GPR39: variants seen among roughly 807,000 people sequenced by gnomAD.
GPR39 encodes G protein-coupled receptor 39.
GPR39 carries 23 observed loss-of-function variants against 18.4 expected under a neutral mutation model. The observed-to-expected ratio is 1.25, with a 90% CI of 0.90 to 1.77. The LOEUF is 1.77. Ranked by LOEUF, GPR39 falls within the 40% of genes most tolerant of loss-of-function variation. The probability of loss-of-function intolerance (pLI) is 0.00; values close to 1 mark genes in which losing one functional copy is unlikely to be tolerated. For missense variants in GPR39, 647 were observed against 602.4 expected, an observed-to-expected ratio of 1.07 and a Z score of -0.78; for synonymous variants, 280 against 257.9, an observed-to-expected ratio of 1.09 and a Z score of -0.82.
intron 1 of GPR39, among the ~76,000 whole-genome samples, chr2:132,502,458 C>T (rs899252878): frequency 1.3e-5 from 2 of 152,128 alleles, no homozygotes; most frequent in Non-Finnish European, 2.9e-5. Flanking sequence ...GATAGATTTT[C>T]CTTTATAGGT....
At chr2:132,472,164 G>A (rs1681044112) in intron 1 of GPR39, among the ~76,000 whole-genome samples, 1 of 152,216 alleles carries the variant, frequency 6.6e-6, no homozygotes, top group South Asian at 2.1e-4. Flanking sequence ...GTAGTAGGGA[G>A]TGGAAGAGAG....
chr2:132,551,609 A>G (rs569648357), intron 1 of GPR39, among the ~76,000 whole-genome samples: 4 of 152,334 alleles, frequency 2.6e-5, no homozygotes, highest in African/African-American at 9.6e-5. Context: ...TTAGTGGAAG[A>G]TTATTTCCCA....
At chr2:132,440,750 A>AAAT (rs570371237) in intron 1 of GPR39, among the ~76,000 whole-genome samples, 11 of 152,182 alleles carry the variant, frequency 7.2e-5, no homozygotes, top group South Asian at 4.2e-4. Context: ...CTGAGATTTA[A>AAAT]AATAATAATA....
At chr2:132,442,110 A>G (rs1200373856) in intron 1 of GPR39, among the ~76,000 whole-genome samples, 1 of 152,148 alleles carries the variant, frequency 6.6e-6, no homozygotes, top group Non-Finnish European at 1.5e-5. Flanking sequence ...ACCCAATTTT[A>G]CCCTGTCTCA....
At chr2:132,607,640 A>G (rs919896247) in intron 1 of GPR39, among the ~76,000 whole-genome samples, 7 of 152,196 alleles carry the variant, frequency 4.6e-5, no homozygotes, top group Non-Finnish European at 1.0e-4. Flanking sequence ...TCCAAAGGAG[A>G]TAACAGCTGT....
At chr2:132,596,284 T>C in intron 1 of GPR39, among the ~76,000 whole-genome samples, 1 of 151,610 alleles carries the variant, frequency 6.6e-6, no homozygotes, top group South Asian at 2.1e-4. Flanking sequence ...TTCCCTTCCT[T>C]TTCTCTCCTC....
chr2:132,417,772 A>G lies in GPR39; in HGVS notation c.730A>G (p.Asn244Asp), dbSNP rs769436437. The change falls in exon 1 of 2, where the codon AAC (asparagine) becomes GAC (aspartate). Residue 244 changes from asparagine (N) to aspartate (D), a missense_variant. Around this residue, in one of 3 missense-constraint regions of GPR39, gnomAD observed 581 missense variants for 506.8 expected, o/e 1.15. Transcript: ENST00000329321. ...GCTCTCCGTAGCCTTCATGTGCTGG[A>G]ACATGATGCAGGTGCTCATGAAAAG... ...VLLSVAFMCW[N>D]MMQVLMKSQK... The G allele has an allele frequency of 1.2e-6, 2 of 1,614,060 alleles. No homozygotes were observed. The highest frequency in any genetic ancestry group is 1.7e-6 in the Non-Finnish European group (2 of 1,180,044).
chr2:132,598,405 T>G (rs1680983575), intron 1 of GPR39, among the ~76,000 whole-genome samples: 1 of 151,354 alleles, frequency 6.6e-6, no homozygotes, highest in South Asian at 2.1e-4. Flanking sequence ...TGTCCAAAGC[T>G]TCTGATTTGG....
chr2:132,633,704 G>A (rs746690418), intron 1 of GPR39, among the ~76,000 whole-genome samples: 21 of 152,092 alleles, frequency 1.4e-4, no homozygotes, highest in Admixed American at 1.1e-3. Context: ...GACAAAGGAA[G>A]TTGTTGGTAG....
chr2:132,422,978 A>G (rs547761663), intron 1 of GPR39, among the ~76,000 whole-genome samples: 2 of 152,126 alleles, frequency 1.3e-5, no homozygotes, highest in African/African-American at 2.4e-5. Flanking sequence ...TGCTAAAACC[A>G]TTCAGAATAA....
At chr2:132,557,084 G>C (rs1386027781) in intron 1 of GPR39, among the ~76,000 whole-genome samples, 1 of 33,008 alleles carries the variant, frequency 3.0e-5, no homozygotes, top group Non-Finnish European at 5.1e-5. Flanking sequence ...GGGAGGCCAA[G>C]GGGGGGGGCA....
intron 1 of GPR39, among the ~76,000 whole-genome samples, chr2:132,510,349 G>A (rs4501003): frequency 0.53 from 80,902 of 151,964 alleles, 22,200 homozygotes; most frequent in East Asian, 0.96. Context: ...CCCCAGGCTC[G>A]GGAAAGCTGT....
At chr2:132,573,705 T>C (rs1238861961) in intron 1 of GPR39, among the ~76,000 whole-genome samples, 2 of 152,182 alleles carry the variant, frequency 1.3e-5, no homozygotes, top group South Asian at 4.1e-4. Context: ...GAGGATTCCA[T>C]ACCCAAGAAT....
intron 1 of GPR39, among the ~76,000 whole-genome samples, chr2:132,440,838 T>C (rs979837198): frequency 6.6e-6 from 1 of 152,142 alleles, no homozygotes; most frequent in Non-Finnish European, 1.5e-5. Context: ...CCAGGAAGGA[T>C]ATGAGAGGCA....
intron 1 of GPR39, among the ~76,000 whole-genome samples, chr2:132,425,852 G>T (rs1680109580): frequency 6.6e-6 from 1 of 152,024 alleles, no homozygotes; most frequent in Non-Finnish European, 1.5e-5. Context: ...AAGAAAATGG[G>T]CCCTGAATAA....
chr2:132,580,973 C>CAAAA (rs572666834), intron 1 of GPR39, among the ~76,000 whole-genome samples: 1 of 94,714 alleles, frequency 1.1e-5, no homozygotes, highest in African/African-American at 4.2e-5. Flanking sequence ...AAAAAAAAAA[C>CAAAA]AAAAAAAAAA....
At chr2:132,546,840 A>G in intron 1 of GPR39, among the ~76,000 whole-genome samples, 1 of 41,580 alleles carries the variant, frequency 2.4e-5, no homozygotes, top group Non-Finnish European at 4.4e-5. Flanking sequence ...GCTCCACAGC[A>G]AAAAAAAAAA....
At chr2:132,491,087 G>A (rs1256922124) in intron 1 of GPR39, among the ~76,000 whole-genome samples, 2 of 152,076 alleles carry the variant, frequency 1.3e-5, no homozygotes, top group South Asian at 2.1e-4. Context: ...TCACTGAACT[G>A]AGCACTGAAC....
chr2:132,574,277 G>A (rs1369073093), intron 1 of GPR39, among the ~76,000 whole-genome samples: 1 of 152,062 alleles, frequency 6.6e-6, no homozygotes, highest in East Asian at 1.9e-4. Context: ...TGCCAATTTG[G>A]TAGGTAAATA....
Sources: gnomAD v4.1 joint callset for allele counts (sites outside exome capture counted in the v4.1 genomes callset) on GRCh38, gnomAD v4.1.1 for gene constraint, gnomAD v4.1.1 regional missense constraint, MANE v1.5 for transcripts, NCBI Gene and HGNC (gene_info 2026-07-23, HGNC 2026-07-21) for gene names.